The following JMJD1C variants were observed in gnomAD, a reference collection of about 807,000 sequenced individuals.
JMJD1C encodes jumonji domain containing 1C.
Under a neutral mutation model 245.3 loss-of-function variants are expected in JMJD1C, and 31 were observed. The ratio of observed to expected loss-of-function variants is 0.13; its 90% CI spans 0.09 to 0.17. The LOEUF is 0.17. Among genes scored for constraint, JMJD1C ranks in the 10% least tolerant of loss-of-function variants. JMJD1C has a pLI of 1.00. For synonymous variants in JMJD1C, 1,057 were observed against 1,017.4 expected (o/e 1.04, Z -0.74); for missense variants, 2,691 against 3,000.2 (o/e 0.90, Z 2.41).
intron 2 of JMJD1C, among the ~76,000 whole-genome samples, chr10:63,266,782 T>G (rs774223811): frequency 5.9e-5 from 9 of 152,292 alleles, no homozygotes; most frequent in Admixed American, 1.3e-4. Context: ...AGAAGTAAAG[T>G]TCTCCTTCTG....
At chr10:63,274,721 A>G (rs571324187) in intron 2 of JMJD1C, among the ~76,000 whole-genome samples, 22 of 152,266 alleles carry the variant, frequency 1.4e-4, no homozygotes, top group Admixed American at 7.9e-4. Context: ...TAACTCTCCT[A>G]TCTCCAGCAA....
intron 3 of JMJD1C, among the ~76,000 whole-genome samples, chr10:63,226,068 T>C (rs1017478983): frequency 8.6e-5 from 13 of 151,608 alleles, no homozygotes; most frequent in African/African-American, 2.2e-4. Flanking sequence ...CTTTTAAAAT[T>C]TGACACATTT....
At chr10:63,463,303 C>G (rs1370376069) in intron 1 of JMJD1C, among the ~76,000 whole-genome samples, 1 of 152,078 alleles carries the variant, frequency 6.6e-6, no homozygotes, top group South Asian at 2.1e-4. Context: ...GTAGATGGAA[C>G]CACAGGCATT....
chr10:63,247,895 C>T (rs1213966692), intron 3 of JMJD1C, among the ~76,000 whole-genome samples: 1 of 151,956 alleles, frequency 6.6e-6, no homozygotes, highest in Non-Finnish European at 1.5e-5. Flanking sequence ...TACTTCCAAA[C>T]TCATTCCTTG....
intron 2 of JMJD1C, among the ~76,000 whole-genome samples, chr10:63,345,414 G>T (rs1943723091): frequency 6.6e-6 from 1 of 151,326 alleles, no homozygotes; most frequent in Non-Finnish European, 1.5e-5. Context: ...TTGAACCCAG[G>T]AGGCGGGAGG....
At chr10:63,487,318 A>G (rs1483315970) in intron 1 of JMJD1C, among the ~76,000 whole-genome samples, 3 of 152,228 alleles carry the variant, frequency 2.0e-5, no homozygotes, top group African/African-American at 7.2e-5. Flanking sequence ...CAAGTAAAGC[A>G]TATAGACAGT....
At position 63,198,680 on chromosome 10, in the gene JMJD1C, G is replaced by A. The variant is rs1845702296; in HGVS notation, c.5324C>T (p.Ser1775Phe). 1 of 1,612,386 alleles carries A rather than the reference G, an allele frequency of 6.2e-7. No homozygotes were observed. Among genetic ancestry groups the A allele is most frequent in the Non-Finnish European group, 8.5e-7 (1 of 1,179,194 alleles). Residue 1775 changes from serine (S) to phenylalanine (F), a missense_variant, in exon 12 of 26, where the codon TCT becomes TTT. Physicochemically the swap from Ser to Phe is radical, Grantham distance 155. This residue lies in a region of JMJD1C where 139 missense variants were observed against 270.5 expected (regional missense o/e 0.51). Transcript: ENST00000399262. ...NGVVRIDGFSSPDQYDDEAMS... is the reference protein window; with the variant it reads ...NGVVRIDGFSFPDQYDDEAMS... ...AGCTTCATCATCATATTGGTCAGGA[G>A]AAGAGAAACCATCTATTCTAACTAC...
intron 1 of JMJD1C, among the ~76,000 whole-genome samples, chr10:63,390,852 A>G (rs1020915900): frequency 1.7e-4 from 26 of 152,260 alleles, no homozygotes; most frequent in African/African-American, 6.3e-4. Context: ...ACCTCAACAT[A>G]ATAAAGGCCA....
intron 2 of JMJD1C, among the ~76,000 whole-genome samples, chr10:63,266,100 T>C (rs1370340922): frequency 3.3e-5 from 5 of 152,060 alleles, no homozygotes; most frequent in African/African-American, 2.4e-5. Context: ...CTTATTTCTA[T>C]GCTATCTACA....
At position 63,337,084 on chromosome 10, in the gene JMJD1C, G is replaced by A. The variant is rs184976497; in HGVS notation, c.333+43234C>T. On this transcript the variant is annotated intron_variant, in intron 2 of 25. Transcript: ENST00000399262. ...TCAAGCTCCTGACCTCAGGTGATCC[G>A]TCCACCTTGGCCTCCCAAAGTGCTG... 8.4e-3 allele frequency among the ~76,000 whole-genome samples: 1,270 copies of A among 151,800 alleles called. 22 individuals carry two copies. The highest frequency in any genetic ancestry group is 0.03 in the African/African-American group (1,231 of 41,372).
At chr10:63,170,330 T>G (rs1164295873) in intron 24 of JMJD1C, among the ~76,000 whole-genome samples, 1 of 152,212 alleles carries the variant, frequency 6.6e-6, no homozygotes, top group Non-Finnish European at 1.5e-5. Context: ...GCCTTATACC[T>G]TTCTGTTGAA....
chr10:63,371,524 T>C (rs929431901), intron 2 of JMJD1C, among the ~76,000 whole-genome samples: 1 of 152,222 alleles, frequency 6.6e-6, no homozygotes, highest in African/African-American at 2.4e-5. Context: ...TTCATTTTTT[T>C]AATCTGCAGC....
intron 3 of JMJD1C, among the ~76,000 whole-genome samples, chr10:63,249,441 T>C (rs890827736): frequency 2.0e-5 from 3 of 152,158 alleles, no homozygotes; most frequent in Non-Finnish European, 2.9e-5. Context: ...TGGATATAAA[T>C]ATACAATTCA....
intron 2 of JMJD1C, among the ~76,000 whole-genome samples, chr10:63,367,954 T>C (rs901378626): frequency 1.3e-5 from 2 of 152,230 alleles, no homozygotes; most frequent in African/African-American, 4.8e-5. Context: ...GGCGAATGTT[T>C]CCCCTACTTA....
intron 2 of JMJD1C, among the ~76,000 whole-genome samples, chr10:63,287,037 C>T (rs79970765): frequency 0.037 from 5,590 of 152,224 alleles, 327 homozygotes; most frequent in East Asian, 0.28. Flanking sequence ...ATAGGGAGAT[C>T]TTGTCTCTAC....
chr10:63,167,783 C>T lies in JMJD1C; in HGVS notation c.*262G>A, dbSNP rs1173352655. ...AATAAATACATCATTTTAAATCTGG[C>T]ATTTTCACAAACATCATATACACTA... is the stretch of plus-strand genomic sequence containing the variant. On this transcript the variant is annotated 3_prime_UTR_variant, in exon 26 of 26. Coordinates refer to ENST00000399262, the MANE Select transcript of JMJD1C (RefSeq NM_032776.3). The T allele has an allele frequency of 6.6e-6, 2 of 303,108 alleles. No homozygotes were observed. Among genetic ancestry groups the T allele is most frequent in the South Asian group, 1.3e-4 (1 of 7,572 alleles). The allele number at this position is 303,108 out of a possible 1,614,324, so 18.8% of individuals were successfully genotyped here.
intron 2 of JMJD1C, among the ~76,000 whole-genome samples, chr10:63,335,974 A>G (rs1295754210): frequency 6.6e-6 from 1 of 151,488 alleles, no homozygotes; most frequent in Non-Finnish European, 1.5e-5. Flanking sequence ...TACAAAAATT[A>G]GCCAGGCGAG....
At chr10:63,345,488 C>CA (rs34551660) in intron 2 of JMJD1C, among the ~76,000 whole-genome samples, 6,483 of 100,132 alleles carry the variant, frequency 0.065, 188 homozygotes, top group Middle Eastern at 0.11. Flanking sequence ...GACTTTGTCT[C>CA]AAAAAAAAAA....
intron 1 of JMJD1C, among the ~76,000 whole-genome samples, chr10:63,502,366 C>A (rs1954585805): frequency 6.6e-6 from 1 of 151,990 alleles, no homozygotes; most frequent in African/African-American, 2.4e-5. Flanking sequence ...CGGCCAGGCA[C>A]CGTGGCTCAT....
Sources: gnomAD v4.1 joint callset for allele counts (sites outside exome capture counted in the v4.1 genomes callset) on GRCh38, gnomAD v4.1.1 for gene constraint, gnomAD v4.1.1 regional missense constraint, MANE v1.5 for transcripts, NCBI Gene and HGNC (gene_info 2026-07-23, HGNC 2026-07-21) for gene names.